LYST: variants seen among roughly 807,000 people sequenced by gnomAD.
LYST encodes the protein lysosomal trafficking regulator.
In LYST, 192 loss-of-function variants were observed where a neutral mutation model predicts 413.6. The ratio of observed to expected loss-of-function variants is 0.46; its 90% confidence interval spans 0.41 to 0.52. The LOEUF is 0.52. LYST is among the 20% of genes least tolerant of loss of function. The pLI, the probability that LYST is intolerant of heterozygous loss-of-function variation, is 0.00. For synonymous variants in LYST, 1,525 were observed against 1,567.3 expected (o/e 0.97, Z 0.64); for missense variants, 3,815 against 4,499.9 (o/e 0.85, Z 4.35).
intron 1 of LYST, among the ~76,000 whole-genome samples, chr1:235,863,045 T>C (rs2103180956): frequency 6.6e-6 from 1 of 152,220 alleles, no homozygotes; most frequent in East Asian, 1.9e-4. Context: ...TCCTTTGTAA[T>C]TTTGCAAATG....
chr1:235,734,638 A>G lies in LYST; in HGVS notation c.8380T>C (p.Tyr2794His), dbSNP rs772980101. The G allele has an allele frequency of 6.2e-7, 1 of 1,610,198 alleles. No individual in the cohort carries two copies. The highest frequency in any genetic ancestry group is 1.1e-5 in the South Asian group (1 of 90,120). The change falls in exon 32 of 53, where the codon TAT becomes CAT. Residue 2794 changes from tyrosine to histidine, a missense_variant. Tyr to His is a moderately conservative substitution (Grantham distance 83). Around this residue, in one of 4 missense-constraint regions of LYST, gnomAD observed 771 missense variants for 837.1 expected, o/e 0.92. Coordinates refer to ENST00000389793, the MANE Select transcript of LYST (RefSeq NM_000081.4). ...TGATTATGTATCAACTCTGACAAATACAAAACTAACTTGGCTCCATGCTTT... is the reference window on the plus strand; with the variant it reads ...TGATTATGTATCAACTCTGACAAATGCAAAACTAACTTGGCTCCATGCTTT... ...SLQHGAKLVL[Y>H]LSELIHNHQG...
At chr1:235,822,497 G>C (rs1674857953) in intron 3 of LYST, among the ~76,000 whole-genome samples, 1 of 152,190 alleles carries the variant, frequency 6.6e-6, no homozygotes, top group Non-Finnish European at 1.5e-5. Context: ...ATCAAGAAGA[G>C]CTGCAACAAA....
At chr1:235,814,403 G>T (rs1267809920) in intron 3 of LYST, among the ~76,000 whole-genome samples, 2 of 152,120 alleles carry the variant, frequency 1.3e-5, no homozygotes, top group Non-Finnish European at 2.9e-5. Flanking sequence ...AATATAGAAT[G>T]ACAATAGAAG....
intron 31 of LYST, chr1:235,735,676 T>C (rs1572102896): frequency 6.6e-6 from 1 of 152,252 alleles, no homozygotes; most frequent in Middle Eastern, 3.4e-3. Context: ...TTTTAAACTG[T>C]GAATAGTATT....
At position 235,752,170 on chromosome 1, in the gene LYST, T is replaced by C; in HGVS notation, c.7462A>G (p.Ile2488Val). 1 of 1,603,234 alleles carries C rather than the reference T, an allele frequency of 6.2e-7. No individual in the cohort carries two copies. The highest frequency in any genetic ancestry group is 8.5e-7 in the Non-Finnish European group (1 of 1,171,376). Residue 2488 changes from isoleucine to valine, a missense_variant and splice_region_variant, in exon 27 of 53, where the codon ATT becomes GTT. By Grantham distance (29) the Ile-to-Val change is conservative (BLOSUM62 3). Transcript: ENST00000389793. ...AGCAATTTATATTCACTCATGGGAA[T>C]GCTAAAGATAACAACAAAAGAAGAA... ...VAALNGLEKN[I>V]PMSEYKLLAC...
At chr1:235,697,646 T>C (rs1218600020) in intron 45 of LYST, among the ~76,000 whole-genome samples, 3 of 152,304 alleles carry the variant, frequency 2.0e-5, no homozygotes, top group South Asian at 4.1e-4. Flanking sequence ...TATGTACATA[T>C]GGTAATAGAA....
At chr1:235,848,856 C>T (rs547966356) in intron 1 of LYST, among the ~76,000 whole-genome samples, 6 of 150,868 alleles carry the variant, frequency 4.0e-5, no homozygotes, top group Admixed American at 6.6e-5. Flanking sequence ...ACAGACCCAG[C>T]GAGATTGAAA....
chr1:235,736,383 C>G (rs540141761), intron 31 of LYST: 1 of 152,172 alleles, frequency 6.6e-6, no homozygotes, highest in South Asian at 2.1e-4. Context: ...ATAGAGTGAT[C>G]TGGGTCATGG....
chr1:235,697,861 T>A (rs1661228987), intron 45 of LYST, among the ~76,000 whole-genome samples: 1 of 152,042 alleles, frequency 6.6e-6, no homozygotes, highest in Admixed American at 6.6e-5. Context: ...AGAAAAGAGA[T>A]GAGAAAGAAT....
Position 235,720,649 on chromosome 1 carries a change from C to T in LYST, c.9560+12G>A. Reference sequence around the variant, plus strand: ...TGGATGAACCCTAAAGGTGATGATTCTTTTAACTTACCTGTATATCAACAG... The same window carrying T: ...TGGATGAACCCTAAAGGTGATGATTTTTTTAACTTACCTGTATATCAACAG... On this transcript the variant is annotated intron_variant, in intron 40 of 52. Coordinates refer to ENST00000389793, the MANE Select transcript of LYST (RefSeq NM_000081.4). The T allele has an allele frequency of 6.2e-7, 1 of 1,613,154 alleles. No individual in the cohort carries two copies. Among genetic ancestry groups the T allele is most frequent in the Non-Finnish European group, 8.5e-7 (1 of 1,179,334 alleles).
At chr1:235,675,015 C>T (rs747323601) in intron 50 of LYST, among the ~76,000 whole-genome samples, 6 of 152,124 alleles carry the variant, frequency 3.9e-5, no homozygotes, top group Admixed American at 1.3e-4. Context: ...GATTCTCCCC[C>T]GCCCTACTCA....
chr1:235,744,180 C>A (rs772263129), intron 29 of LYST, 23 bp from the exon 30 acceptor site: 75 of 1,279,558 alleles, frequency 5.9e-5, no homozygotes, highest in Non-Finnish European at 7.5e-5. Flanking sequence ...AAAAAGAATA[C>A]AAAATTAGTC....
intron 3 of LYST, among the ~76,000 whole-genome samples, chr1:235,821,131 ACTT>A (rs778584179): frequency 9.9e-5 from 15 of 152,230 alleles, no homozygotes; most frequent in African/African-American, 2.7e-4. Context: ...CCCACGTAGA[ACTT>A]CTTATTAAAA....
In LYST at chr1:235,759,222, G is replaced by A. The variant is rs766575718; in HGVS notation, c.6631C>T (p.Pro2211Ser). ...CCAGGACTGTCATCTTCTGACCTGG[G>A]TTCTGCTCCCAACTGTTTATGATCT... ...KADHKQLGAE[P>S]RSEDDSPGDE... The change falls in exon 23 of 53, where the codon CCC becomes TCC. Residue 2211 changes from proline to serine, a missense_variant. Pro to Ser is a moderately conservative substitution (Grantham distance 74, BLOSUM62 -1). Around this residue, in one of 4 missense-constraint regions of LYST, gnomAD observed 771 missense variants for 837.1 expected, o/e 0.92. Coordinates refer to ENST00000389793, the MANE Select transcript of LYST (RefSeq NM_000081.4). 6.2e-7 allele frequency: 1 copy of A among 1,614,146 alleles called. No homozygotes were observed. The highest frequency in any genetic ancestry group is 1.1e-5 in the South Asian group (1 of 91,092).
At chr1:235,812,941 C>G (rs1169777619) in intron 4 of LYST, 30 bp downstream of exon 4, 1 of 1,387,976 alleles carries the variant, frequency 7.2e-7, no homozygotes, top group Non-Finnish European at 1.0e-6. Context: ...TTTGATAACA[C>G]AAGTGATATG....
At chr1:235,791,520 T>G in intron 12 of LYST, 179 bp downstream of exon 12, 1 of 628,902 alleles carries the variant, frequency 1.6e-6, no homozygotes, top group Non-Finnish European at 2.8e-6. Context: ...GTAATAGAGA[T>G]TCAAGGCTTT....
intron 10 of LYST, among the ~76,000 whole-genome samples, chr1:235,796,863 GCA>G (rs2102792985): frequency 6.6e-6 from 1 of 152,186 alleles, no homozygotes; most frequent in African/African-American, 2.4e-5. Flanking sequence ...TGGGACTAAG[GCA>G]CACACAAAGG....
intron 12 of LYST, among the ~76,000 whole-genome samples, chr1:235,791,006 G>A (rs1208412271): frequency 2.0e-5 from 3 of 152,076 alleles, no homozygotes; most frequent in African/African-American, 2.4e-5. Flanking sequence ...AAAATTAGCC[G>A]GGTGTGGTGG....
rs111456284 is a variant in LYST at position 235,744,379 on chromosome 1, T to C, written c.7973-222A>G. On this transcript the variant is annotated intron_variant, in intron 29 of 52. Transcript: ENST00000389793. ...AAATGCATGTCATACAATTCCAAAT[T>C]AAATATTTAATGGACTAATGAAGGT... is the stretch of plus-strand genomic sequence containing the variant. 5.4e-3 allele frequency among the ~76,000 whole-genome samples: 828 copies of C among 152,248 alleles called. 16 individuals are homozygous for C. The highest frequency in any genetic ancestry group is 0.018 in the African/African-American group (732 of 41,548).
Sources: gnomAD v4.1 joint callset for allele counts (sites outside exome capture counted in the v4.1 genomes callset) on GRCh38, gnomAD v4.1.1 for gene constraint, gnomAD v4.1.1 regional missense constraint, MANE v1.5 for transcripts, NCBI Gene and HGNC (gene_info 2026-07-23, HGNC 2026-07-21) for gene names.